Variants in COL6A2 observed in about 807,000 individuals in gnomAD.
The protein encoded by COL6A2 is collagen alpha-2(VI) chain.
A neutral mutation model predicts 124.9 loss-of-function variants in COL6A2; 90 were observed. That is an observed-to-expected ratio of 0.72 (90% CI 0.61 to 0.86). COL6A2 has a LOEUF of 0.86. Ranked by LOEUF, COL6A2 falls within the 40% of genes least tolerant of loss-of-function variation. The pLI is 0.00. For missense variants in COL6A2, 1,607 were observed against 1,502.5 expected, an observed-to-expected ratio of 1.07 and a Z score of -1.15; for synonymous variants, 793 against 618.2, an observed-to-expected ratio of 1.28 and a Z score of -4.19.
chr21:46,123,763 G>A (rs137908450), intron 21 of COL6A2, among the ~76,000 whole-genome samples: 1 of 135,104 alleles, frequency 7.4e-6, no homozygotes, highest in African/African-American at 2.5e-5. Flanking sequence ...TGGATGAGTG[G>A]GGGGATGGAT....
chr21:46,132,522 C>G lies in COL6A2; in HGVS notation c.3030C>G (p.Phe1010Leu). ...ATGACAGCCTGGCGCAACCCGGCTT[C>G]TTCGACCGCTTCATCCGCTGGATCT... ...KDYDSLAQPG[F>L]FDRFIRWIC The change falls in exon 28 of 28, where the codon TTC (phenylalanine) becomes TTG (leucine). Residue 1010 changes from phenylalanine (F) to leucine (L), a missense_variant. Transcript: ENST00000300527. 1 of 1,605,830 alleles carries G rather than the reference C, an allele frequency of 6.2e-7. No homozygotes were observed. Among genetic ancestry groups the G allele is most frequent in the East Asian group, 2.2e-5 (1 of 44,846 alleles).
At chr21:46,128,983 T>C in intron 27 of COL6A2, 2 of 1,608,094 alleles carry the variant, frequency 1.2e-6, no homozygotes, top group Non-Finnish European at 1.7e-6. Context: ...GCGGGTCTCC[T>C]AGCTCCCTGC....
At chr21:46,131,930 G>C in intron 27 of COL6A2, 24 bp from the exon 28 acceptor site, 1 of 1,568,662 alleles carries the variant, frequency 6.4e-7, no homozygotes, top group Non-Finnish European at 8.6e-7. Context: ...CCTCCGCCCA[G>C]CCCGCACCTG....
rs1555877263 is a variant in COL6A2, at chr21:46,132,096, G to T, written c.2604G>T (p.Arg868Ser). 1.3e-6 allele frequency: 2 copies of T among 1,595,790 alleles called. No individual in the cohort carries two copies. Among genetic ancestry groups the T allele is most frequent in the South Asian group, 2.2e-5 (2 of 89,208 alleles). ...QVARRLTLAR[R>S]DDDPLNARVA... The stretch of plus-strand genomic sequence containing the variant: ...CGCGGCGGCTGACGCTGGCCCGGAG[G>T]GACGACGACCCTCTCAACGCACGCG... Residue 868 changes from arginine to serine, a missense_variant, in exon 28 of 28, where the codon AGG becomes AGT. Physicochemically the swap from Arg to Ser is moderately radical, Grantham distance 110. Transcript: ENST00000300527.
chr21:46,125,899 A>G lies in COL6A2; in HGVS notation c.2084A>G (p.Glu695Gly). Residue 695 changes from glutamate to glycine, a missense_variant, in exon 26 of 28, where the codon GAG (glutamate) becomes GGG (glycine). Coordinates refer to ENST00000300527, the MANE Select transcript of COL6A2 (RefSeq NM_001849.4). ...SSFKEAVKNLEWIAGGTWTPS... is the reference protein window; with the variant it reads ...SSFKEAVKNLGWIAGGTWTPS... Reference sequence around the variant, plus strand: ...TTCAAGGAGGCTGTCAAGAACCTCGAGTGGATTGCGGGCGGCACCTGGACA... The same window carrying G: ...TTCAAGGAGGCTGTCAAGAACCTCGGGTGGATTGCGGGCGGCACCTGGACA... 6.2e-7 allele frequency: 1 copy of G among 1,613,156 alleles called. No homozygotes were observed. Among genetic ancestry groups the G allele is most frequent in the Middle Eastern group, 1.6e-4 (1 of 6,062 alleles).
Position 46,132,325 on chromosome 21 carries a change from G to A in COL6A2, c.2833G>A (p.Val945Met), listed in dbSNP as rs762041959. Residue 945 changes from valine (V) to methionine (M), a missense_variant, in exon 28 of 28, where the codon GTG becomes ATG. Around this residue, in one of 3 missense-constraint regions of COL6A2, gnomAD observed 1,223 missense variants for 1,052.2 expected, o/e 1.16. Transcript: ENST00000300527. ...CCGGAGGCACGCAGAGCTGTCCTTC[G>A]TGTTCCTCACGGACGGCGTCACGGG... ...GARRHAELSF[V>M]FLTDGVTGND... 12 of 1,607,494 alleles carry A rather than the reference G, an allele frequency of 7.5e-6. No individual in the cohort carries two copies. Among genetic ancestry groups the A allele is most frequent in the East Asian group, 6.7e-5 (3 of 44,876 alleles).
chr21:46,126,283 C>A, intron 26 of COL6A2, 46 bp downstream of exon 26: 2 of 1,586,256 alleles, frequency 1.3e-6, no homozygotes, highest in South Asian at 1.1e-5. Flanking sequence ...CAGCAGGCCC[C>A]AGCCGCTGTC....
intron 27 of COL6A2, chr21:46,129,155 C>T (rs773169556): frequency 3.7e-6 from 6 of 1,611,996 alleles, no homozygotes; most frequent in Middle Eastern, 1.7e-4. Context: ...GGCCGACGCC[C>T]ACCGCAGGCC....
chr21:46,098,307 G>A (rs1247534899), intron 1 of COL6A2, 134 bp downstream of exon 1: 1 of 152,240 alleles, frequency 6.6e-6, no homozygotes, highest in African/African-American at 2.4e-5. Flanking sequence ...CAGGGACGGC[G>A]GGGGGCTCGG....
intron 3 of COL6A2, 25 bp downstream of exon 3, chr21:46,112,602 C>CCA: frequency 6.2e-7 from 1 of 1,610,568 alleles, no homozygotes; most frequent in East Asian, 2.2e-5. Flanking sequence ...GGAGCACCGT[C>CCA]CACGCGCCAG....
chr21:46,121,895 G>C (rs145867087), intron 18 of COL6A2, among the ~76,000 whole-genome samples: 1 of 144,972 alleles, frequency 6.9e-6, no homozygotes, highest in African/African-American at 2.7e-5. Flanking sequence ...TCCTCCCCGC[G>C]TGTGGGCAGG....
intron 4 of COL6A2, chr21:46,113,059 C>A: frequency 1.7e-6 from 1 of 605,496 alleles, no homozygotes; most frequent in Non-Finnish European, 2.9e-6. Context: ...GCACGTGTTA[C>A]AAGGAGAGGT....
chr21:46,117,356 C>T (rs2078488387), intron 10 of COL6A2, 44 bp from the exon 11 acceptor site: 1 of 1,597,924 alleles, frequency 6.3e-7, no homozygotes, highest in Non-Finnish European at 8.5e-7. Context: ...CACATGGACC[C>T]CAGAACCCCG....
At chr21:46,106,615 G>T (rs527847094) in intron 1 of COL6A2, among the ~76,000 whole-genome samples, 2 of 152,230 alleles carry the variant, frequency 1.3e-5, no homozygotes, top group Admixed American at 1.3e-4. Context: ...CCTTTTCCTG[G>T]AGTTTATTTG....
intron 27 of COL6A2, 73 bp from the exon 28 acceptor site, chr21:46,131,881 A>G (rs1601266155): frequency 7.2e-7 from 1 of 1,388,298 alleles, no homozygotes; most frequent in East Asian, 2.5e-5. Flanking sequence ...GGAAGGGCAC[A>G]GGTGCGGGGC....
intron 1 of COL6A2, among the ~76,000 whole-genome samples, chr21:46,105,228 T>G (rs2078324352): frequency 6.6e-6 from 1 of 151,966 alleles, no homozygotes; most frequent in Non-Finnish European, 1.5e-5. Flanking sequence ...ATAAAAATAT[T>G]TTTAAAAATC....
Position 46,120,614 on chromosome 21 carries a change from G to A in COL6A2, c.1395+37G>A, listed in dbSNP as rs567247941. The A allele has an allele frequency of 1.9e-5, 27 of 1,440,492 alleles. No homozygotes were observed. The African/African-American group carries it at 3.0e-4, about 16-fold the overall frequency. 89.2% of individuals were successfully genotyped at this position (1,440,492 alleles called of 1,614,324 possible). A position where few individuals can be genotyped will look rare whatever the true frequency, so the allele number is the denominator to read the frequency against. On this transcript the variant is annotated intron_variant, in intron 16 of 27. Transcript: ENST00000300527. ...GGGTGGGCCGCACCCCAAGGTAGGGGATCTGAGGGGGTGCAGGGGGGCTGC... is the reference window on the plus strand; with the variant it reads ...GGGTGGGCCGCACCCCAAGGTAGGGAATCTGAGGGGGTGCAGGGGGGCTGC...
chr21:46,125,410 A>G (rs751013094), intron 24 of COL6A2, 55 bp from the exon 25 acceptor site: 21 of 1,609,916 alleles, frequency 1.3e-5, no homozygotes, highest in Admixed American at 1.7e-5. Context: ...TGTGCACGTG[A>G]CCCTAGGGTC....
In COL6A2 at chr21:46,125,940, T is replaced by C. The variant is rs752189678; in HGVS notation, c.2125T>C (p.Phe709Leu). 1 of 1,613,064 alleles carries C rather than the reference T, an allele frequency of 6.2e-7. No individual in the cohort carries two copies. Among genetic ancestry groups the C allele is most frequent in the Admixed American group, 1.7e-5 (1 of 60,018 alleles). ...CACCTGGACACCCTCAGCCCTCAAG[T>C]TTGCCTACGACCGCCTCATCAAGGA... ...GGTWTPSALK[F>L]AYDRLIKESR... Residue 709 changes from phenylalanine to leucine, a missense_variant, in exon 26 of 28, where the codon TTT (phenylalanine) becomes CTT (leucine). By Grantham distance (22) the Phe-to-Leu change is conservative. Coordinates refer to ENST00000300527, the MANE Select transcript of COL6A2 (RefSeq NM_001849.4).
Sources: allele counts gnomAD v4.1 joint callset (sites outside exome capture counted in the v4.1 genomes callset), GRCh38; gene constraint gnomAD v4.1.1; regional missense constraint gnomAD v4.1.1; transcripts MANE v1.5; gene names NCBI Gene and HGNC (gene_info 2026-07-23, HGNC 2026-07-21).